EPB41L2: variants seen among roughly 807,000 people sequenced by gnomAD.
The protein encoded by EPB41L2 is band 4.1-like protein 2.
Under a neutral mutation model 113.0 loss-of-function variants are expected in EPB41L2, and 43 were observed. That is an observed-to-expected ratio of 0.38 (90% confidence interval 0.30 to 0.49). The LOEUF is 0.49. Among genes scored for constraint, EPB41L2 ranks in the 20% least tolerant of loss-of-function variants. The probability of loss-of-function intolerance (pLI) is 0.95; values close to 1 mark genes in which losing one functional copy is unlikely to be tolerated. For synonymous variants in EPB41L2, 442 were observed against 436.7 expected (o/e 1.01, Z -0.15); for missense variants, 1,147 against 1,223.4 (o/e 0.94, Z 0.93).
At chr6:130,881,383 A>C (rs889303642) in intron 12 of EPB41L2, 1 of 152,184 alleles carries the variant, frequency 6.6e-6, no homozygotes, top group South Asian at 2.1e-4. Flanking sequence ...GACATTCAAT[A>C]ATCTGTTAAG....
intron 19 of EPB41L2, among the ~76,000 whole-genome samples, chr6:130,845,661 G>A (rs999911521): frequency 3.3e-5 from 5 of 152,174 alleles, no homozygotes; most frequent in African/African-American, 9.7e-5. Flanking sequence ...GATTACAGGC[G>A]TGAGCCACCA....
intron 19 of EPB41L2, among the ~76,000 whole-genome samples, chr6:130,857,828 A>T (rs1283970429): frequency 1.3e-5 from 2 of 152,172 alleles, no homozygotes; most frequent in African/African-American, 2.4e-5. Flanking sequence ...TCTTCCAGAA[A>T]GGGTCAATGT....
intron 1 of EPB41L2, among the ~76,000 whole-genome samples, chr6:131,008,812 G>A (rs1786229767): frequency 6.6e-6 from 1 of 152,182 alleles, no homozygotes; most frequent in African/African-American, 2.4e-5. Flanking sequence ...GGGGCCTGTA[G>A]CCCCTTTGTT....
At position 131,063,192 on chromosome 6, in the gene EPB41L2, A is replaced by G; in HGVS notation, c.-52T>C. On this transcript the variant is annotated 5_prime_UTR_variant, in exon 1 of 20. Coordinates refer to ENST00000337057, the MANE Select transcript of EPB41L2 (RefSeq NM_001431.4). Reference sequence around the variant, plus strand: ...CTCGCCGCGGGACCCGTCCCTCTTCAGTCCCAGCCGCCGGCAGCCGCGCCT... The same window carrying G: ...CTCGCCGCGGGACCCGTCCCTCTTCGGTCCCAGCCGCCGGCAGCCGCGCCT... 6.5e-6 allele frequency: 1 copy of G among 152,746 alleles called. No homozygotes were observed. Among genetic ancestry groups the G allele is most frequent in the Non-Finnish European group, 1.5e-5 (1 of 68,556 alleles). The allele number at this position is 152,746 out of a possible 1,614,324, so 9.5% of individuals were successfully genotyped here. A position where few individuals can be genotyped will look rare whatever the true frequency, so the allele number is the denominator to read the frequency against.
intron 1 of EPB41L2, among the ~76,000 whole-genome samples, chr6:130,969,445 C>T (rs776521718): frequency 3.9e-5 from 6 of 152,152 alleles, no homozygotes; most frequent in South Asian, 2.1e-4. Flanking sequence ...ATAAAGAACA[C>T]GCAAGAAGAT....
At chr6:130,876,714 G>A in intron 14 of EPB41L2, 1 of 1,304,178 alleles carries the variant, frequency 7.7e-7, no homozygotes. Flanking sequence ...TGTCCATATT[G>A]TCGGCATCAG....
intron 1 of EPB41L2, among the ~76,000 whole-genome samples, chr6:130,965,645 A>C (rs919690836): frequency 1.2e-4 from 2 of 16,804 alleles, no homozygotes; most frequent in African/African-American, 3.3e-4. Context: ...AACAGTTATC[A>C]AAAAAAAAAA....
At chr6:131,049,582 A>C (rs1796140544) in intron 1 of EPB41L2, among the ~76,000 whole-genome samples, 1 of 152,238 alleles carries the variant, frequency 6.6e-6, no homozygotes. Context: ...AAACAGTAAA[A>C]GATTATCATA....
chr6:131,041,378 A>C (rs1794432978), intron 1 of EPB41L2, among the ~76,000 whole-genome samples: 1 of 152,226 alleles, frequency 6.6e-6, no homozygotes, highest in African/African-American at 2.4e-5. Flanking sequence ...GCTTAATGGG[A>C]AATCAAGCTT....
chr6:130,987,072 T>A (rs956923100), intron 1 of EPB41L2, among the ~76,000 whole-genome samples: 1 of 152,220 alleles, frequency 6.6e-6, no homozygotes, highest in African/African-American at 2.4e-5. Flanking sequence ...TTCATCTGTA[T>A]GCCCCAATAA....
chr6:130,967,568 A>G (rs1034826874), intron 1 of EPB41L2, among the ~76,000 whole-genome samples: 1 of 152,116 alleles, frequency 6.6e-6, no homozygotes, highest in African/African-American at 2.4e-5. Context: ...TTTTAAAGGC[A>G]GAGTAAACAG....
intron 5 of EPB41L2, 68 bp downstream of exon 5, chr6:130,908,753 T>C: frequency 8.0e-7 from 1 of 1,254,976 alleles, no homozygotes; most frequent in Non-Finnish European, 1.1e-6. Context: ...ATTCTATTAC[T>C]GATCATTTAT....
chr6:131,038,910 G>T (rs1194635438), intron 1 of EPB41L2, among the ~76,000 whole-genome samples: 1 of 152,106 alleles, frequency 6.6e-6, no homozygotes, highest in Non-Finnish European at 1.5e-5. Context: ...TTACAAAACT[G>T]AAAAGAGTGA....
At chr6:130,912,476 G>C (rs1046938327) in intron 4 of EPB41L2, among the ~76,000 whole-genome samples, 6 of 152,164 alleles carry the variant, frequency 3.9e-5, no homozygotes, top group Non-Finnish European at 7.4e-5. Context: ...AAGGATCCAA[G>C]GTGTACATGG....
At chr6:131,016,155 G>A (rs188636548) in intron 1 of EPB41L2, among the ~76,000 whole-genome samples, 1 of 152,220 alleles carries the variant, frequency 6.6e-6, no homozygotes, top group Admixed American at 6.5e-5. Flanking sequence ...TAACTTCCAA[G>A]CTGGCTTGGG....
intron 1 of EPB41L2, among the ~76,000 whole-genome samples, chr6:130,969,387 C>T (rs1477645201): frequency 1.3e-5 from 2 of 152,034 alleles, no homozygotes; most frequent in Admixed American, 6.6e-5. Context: ...GTCAGTAAGT[C>T]GCAATGAAGC....
intron 1 of EPB41L2, among the ~76,000 whole-genome samples, chr6:131,045,944 CTCTCT>C (rs1275866489): frequency 4.4e-5 from 6 of 135,142 alleles, no homozygotes; most frequent in Non-Finnish European, 9.5e-5. Flanking sequence ...ATTTTTCTTT[CTCTCT>C]TTTTTTTTTT....
chr6:130,917,988 A>G (rs2128532447), intron 4 of EPB41L2, among the ~76,000 whole-genome samples: 1 of 152,280 alleles, frequency 6.6e-6, no homozygotes. Context: ...TTCTCACAGG[A>G]ATTTATAGTG....
intron 8 of EPB41L2, among the ~76,000 whole-genome samples, chr6:130,898,348 T>A (rs1795265511): frequency 6.6e-6 from 1 of 152,174 alleles, no homozygotes; most frequent in Non-Finnish European, 1.5e-5. Context: ...AGGAAAGACA[T>A]CATTGTGTGG....
Sources: gnomAD v4.1 joint callset for allele counts (sites outside exome capture counted in the v4.1 genomes callset) on GRCh38, gnomAD v4.1.1 for gene constraint, MANE v1.5 for transcripts, NCBI Gene and HGNC (gene_info 2026-07-23, HGNC 2026-07-21) for gene names.